Variants in CACNA1B observed in about 807,000 individuals in gnomAD.
CACNA1B encodes voltage-dependent N-type calcium channel subunit alpha-1B.
In CACNA1B, 70 loss-of-function variants were observed where a neutral mutation model predicts 247.2. The observed-to-expected ratio is 0.28, with a 90% confidence interval of 0.23 to 0.35. CACNA1B has a LOEUF of 0.35. Ranked by LOEUF, CACNA1B falls within the 10% of genes least tolerant of loss-of-function variation. The pLI is 1.00. For missense variants in CACNA1B, 2,367 were observed against 3,197.4 expected, an observed-to-expected ratio of 0.74 and a Z score of 6.26; for synonymous variants, 1,231 against 1,294.4, an observed-to-expected ratio of 0.95 and a Z score of 1.05.
At position 138,112,426 on chromosome 9, in the gene CACNA1B, G is replaced by C. The variant is rs201753337; in HGVS notation, c.5457G>C (p.Ala1819=). Reference sequence around the variant, plus strand: ...GGACAAAGCAGCATCAGTGTGACGCGGAGTTGAGGAAGGAGATTTCCGTTG... The same window carrying C: ...GGACAAAGCAGCATCAGTGTGACGCCGAGTTGAGGAAGGAGATTTCCGTTG... ...PAGTKQHQCD[A]ELRKEISVVW... The change falls in exon 40 of 47, where the codon GCG becomes GCC. Residue 1819 remains alanine (A), a synonymous_variant. Coordinates refer to ENST00000371372, the MANE Select transcript of CACNA1B (RefSeq NM_000718.4). The C allele has an allele frequency of 5.9e-5, 95 of 1,613,494 alleles. 2 individuals carry two copies. The South Asian group carries it at 1.0e-3, about 17-fold the overall frequency.
Position 138,121,401 on chromosome 9 carries a change from CTG to C in CACNA1B, c.6490-66_6490-65del. 1 of 1,268,404 alleles carries C rather than the reference CTG, an allele frequency of 7.9e-7. No homozygotes were observed. The highest frequency in any genetic ancestry group is 1.1e-6 in the Non-Finnish European group (1 of 931,370). The allele number at this position is 1,268,404 out of a possible 1,614,324, so 78.6% of individuals were successfully genotyped here. On this transcript the variant is annotated intron_variant, in intron 46 of 46. Coordinates refer to ENST00000371372, the MANE Select transcript of CACNA1B (RefSeq NM_000718.4). The surrounding 1 kb of genome is among the most constrained non-coding windows in gnomAD (Gnocchi z 6.8). ...CCCAGGCACCTGTGTGTGATGTGCT[CTG>C]TCTGTTGGTTCGGCTTTTTTTTTTT...
At chr9:138,000,215 C>A (rs1474216389) in intron 15 of CACNA1B, among the ~76,000 whole-genome samples, 1 of 151,756 alleles carries the variant, frequency 6.6e-6, no homozygotes, top group Non-Finnish European at 1.5e-5. Context: ...TCTCCTGCCT[C>A]AGCCTCCCGA....
chr9:137,926,779 C>A (rs1957555815), intron 6 of CACNA1B, among the ~76,000 whole-genome samples: 1 of 152,146 alleles, frequency 6.6e-6, no homozygotes. Context: ...ATTTGCATTT[C>A]TTTAATGATT....
Position 137,914,782 on chromosome 9 carries a change from A to G in CACNA1B, c.751A>G (p.Lys251Glu). 6.2e-7 allele frequency: 1 copy of G among 1,613,932 alleles called. No homozygotes were observed. Among genetic ancestry groups the G allele is most frequent in the Non-Finnish European group, 8.5e-7 (1 of 1,179,876 alleles). ...GGAGTTCTACATGGGCAAGTTCCACAAGGCCTGTTTCCCCAACAGCACAGG... is the reference window on the plus strand; with the variant it reads ...GGAGTTCTACATGGGCAAGTTCCACGAGGCCTGTTTCCCCAACAGCACAGG... Reference protein sequence around the residue: ...GLEFYMGKFHKACFPNSTDAE... With the variant: ...GLEFYMGKFHEACFPNSTDAE... The change falls in exon 5 of 47, where the codon AAG becomes GAG. Residue 251 changes from lysine to glutamate, a missense_variant. By Grantham distance (56) the Lys-to-Glu change is moderately conservative (BLOSUM62 1). Around this residue, in one of 12 missense-constraint regions of CACNA1B, gnomAD observed 130 missense variants for 338.7 expected, o/e 0.38. Transcript: ENST00000371372. This position sits in a 1 kb window ranked among gnomAD's most constrained non-coding sequence, Gnocchi z 4.3.
chr9:138,000,279 T>G (rs1416690739), intron 15 of CACNA1B, among the ~76,000 whole-genome samples: 1 of 152,076 alleles, frequency 6.6e-6, no homozygotes, highest in Non-Finnish European at 1.5e-5. Context: ...TTTGTATTTT[T>G]AGTAGAGACA....
chr9:137,972,500 A>C (rs1958165767), intron 11 of CACNA1B, among the ~76,000 whole-genome samples: 3 of 151,918 alleles, frequency 2.0e-5, no homozygotes, highest in Admixed American at 2.0e-4. Context: ...GAGCTATCCC[A>C]GCTCCCAGTT....
In CACNA1B at chr9:138,058,059, C is replaced by T. The variant is rs1959579999; in HGVS notation, c.4117C>T (p.His1373Tyr). 1 of 1,613,738 alleles carries T rather than the reference C, an allele frequency of 6.2e-7. No homozygotes were observed. Among genetic ancestry groups the T allele is most frequent in the Non-Finnish European group, 8.5e-7 (1 of 1,179,590 alleles). The change falls in exon 28 of 47, where the codon CAC becomes TAC. Residue 1373 changes from histidine (H) to tyrosine (Y), a missense_variant. By Grantham distance (83) the His-to-Tyr change is moderately conservative (BLOSUM62 2). Transcript: ENST00000371372. This position sits in a 1 kb window ranked among gnomAD's most constrained non-coding sequence, Gnocchi z 4.7. Reference sequence around the variant, plus strand: ...CTCCTCTTTGCCCAGGGTGCTGAAACACTCCGTGGATGCCACCTATGAGGA... The same window carrying T: ...CTCCTCTTTGCCCAGGGTGCTGAAATACTCCGTGGATGCCACCTATGAGGA... Reference protein sequence around the residue: ...TGEGWPMVLKHSVDATYEEQG... With the variant: ...TGEGWPMVLKYSVDATYEEQG...
chr9:137,900,064 A>C (rs922042865), intron 3 of CACNA1B, among the ~76,000 whole-genome samples: 7 of 152,120 alleles, frequency 4.6e-5, no homozygotes, highest in African/African-American at 1.7e-4. Context: ...TGGCATTTTC[A>C]GAACTGGGGG....
At chr9:137,879,205 G>A (rs1477697168) in intron 2 of CACNA1B, 46 bp downstream of exon 2, 2 of 1,238,166 alleles carry the variant, frequency 1.6e-6, no homozygotes, top group Non-Finnish European at 2.3e-6. Flanking sequence ...GGGAGGCCGC[G>A]ACTCCACTTT....
At chr9:137,929,122 A>T (rs1232153706) in intron 6 of CACNA1B, among the ~76,000 whole-genome samples, 1 of 152,218 alleles carries the variant, frequency 6.6e-6, no homozygotes, top group Non-Finnish European at 1.5e-5. Context: ...TTACTGGATC[A>T]TAGAACTCTG....
intron 6 of CACNA1B, among the ~76,000 whole-genome samples, chr9:137,942,029 G>T (rs183540877): frequency 1.3e-5 from 2 of 152,138 alleles, no homozygotes; most frequent in African/African-American, 4.8e-5. Flanking sequence ...GAAACAGTCG[G>T]CAGAGTAAAC....
Position 138,047,655 on chromosome 9 carries a change from T to A in CACNA1B, c.3603+197T>A, listed in dbSNP as rs2290581. On this transcript the variant is annotated intron_variant, in intron 23 of 46. Coordinates refer to ENST00000371372, the MANE Select transcript of CACNA1B (RefSeq NM_000718.4). The stretch of plus-strand genomic sequence containing the variant: ...CTTTGTCGTTCACTGAGAAAATTAC[T>A]TCCCGCGCTGGGAGTGCTCCCCAGT... 0.15 allele frequency among the ~76,000 whole-genome samples: 23,521 copies of A among 152,234 alleles called. 5,150 individuals carry two copies. Among genetic ancestry groups the A allele is most frequent in the African/African-American group, 0.49 (20,146 of 41,482 alleles).
At position 138,059,818 on chromosome 9, in the gene CACNA1B, C is replaced by A; in HGVS notation, c.4668+81C>A. On this transcript the variant is annotated intron_variant, in intron 31 of 46. Transcript: ENST00000371372. The surrounding 1 kb of genome is among the most constrained non-coding windows in gnomAD (Gnocchi z 4.2). Reference sequence around the variant, plus strand: ...CTGCTCCCCTCAGTGCATCTCCAGGCCCTGTGTTAGCCTCTTCCTGGGTTC... The same window carrying A: ...CTGCTCCCCTCAGTGCATCTCCAGGACCTGTGTTAGCCTCTTCCTGGGTTC... The A allele has an allele frequency of 1.2e-6, 1 of 821,036 alleles. No individual in the cohort carries two copies. The allele number at this position is 821,036 out of a possible 1,614,324, so 50.9% of individuals were successfully genotyped here. A position where few individuals can be genotyped will look rare whatever the true frequency, so the allele number is the denominator to read the frequency against.
chr9:138,027,535 C>T (rs1958936380), intron 20 of CACNA1B, among the ~76,000 whole-genome samples: 1 of 152,010 alleles, frequency 6.6e-6, no homozygotes, highest in South Asian at 2.1e-4. Context: ...CTTGTTTCCG[C>T]CTACATTAAA....
At position 138,046,929 on chromosome 9, in the gene CACNA1B, G is replaced by A. The variant is rs201232658; in HGVS notation, c.3439G>A (p.Val1147Met). The change falls in exon 22 of 47, where the codon GTG becomes ATG. Residue 1147 changes from valine (V) to methionine (M), a missense_variant. This residue lies in a region of CACNA1B where 631 missense variants were observed against 631.1 expected (regional missense o/e 1.00). Transcript: ENST00000371372. ...NLLRRFCHYI[V>M]TMRYFEVVIL... ...GCTCCGCCGCTTCTGCCACTACATC[G>A]TGACCATGAGGTACTTCGAGGTGGT... 18 of 1,613,420 alleles carry A rather than the reference G, an allele frequency of 1.1e-5. No homozygotes were observed. Among genetic ancestry groups the A allele is most frequent in the Non-Finnish European group, 1.1e-5 (13 of 1,179,518 alleles).
Position 138,023,583 on chromosome 9 carries a change from G to A in CACNA1B, c.2840G>A (p.Cys947Tyr). The change falls in exon 19 of 47, where the codon TGC (cysteine) becomes TAC (tyrosine). Residue 947 changes from cysteine to tyrosine, a missense_variant. Cys to Tyr is a radical substitution (Grantham distance 194). Transcript: ENST00000371372. ...CGGCACCAGGATCCGAGCAAGGAGT[G>A]CGCCGGCGCCAAGGGCGAGCGGCGC... ...AHRHQDPSKECAGAKGERRAR... is the reference protein window; with the variant it reads ...AHRHQDPSKEYAGAKGERRAR... 2 of 1,078,114 alleles carry A rather than the reference G, an allele frequency of 1.9e-6. No homozygotes were observed. The highest frequency in any genetic ancestry group is 3.6e-5 in the South Asian group (1 of 27,634). The allele number at this position is 1,078,114 out of a possible 1,614,324, so 66.8% of individuals were successfully genotyped here. A position where few individuals can be genotyped will look rare whatever the true frequency, so the allele number is the denominator to read the frequency against.
At chr9:137,884,774 G>A (rs1956980640) in intron 3 of CACNA1B, among the ~76,000 whole-genome samples, 1 of 152,030 alleles carries the variant, frequency 6.6e-6, no homozygotes, top group Non-Finnish European at 1.5e-5. Context: ...GCCCTTGAGG[G>A]CCAGGAGAGG....
chr9:137,910,259 G>A (rs1430206068), intron 3 of CACNA1B, among the ~76,000 whole-genome samples: 8 of 152,106 alleles, frequency 5.3e-5, no homozygotes, highest in Admixed American at 3.3e-4. Context: ...TTGTTGAGTT[G>A]TAAGAGTATT....
In CACNA1B at chr9:138,059,591, A is replaced by G. The variant is rs558542881; in HGVS notation, c.4585-63A>G. 2 of 956,312 alleles carry G rather than the reference A, an allele frequency of 2.1e-6. No homozygotes were observed. Among genetic ancestry groups the G allele is most frequent in the East Asian group, 2.4e-5 (1 of 41,910 alleles). 59.2% of individuals were successfully genotyped at this position (956,312 alleles called of 1,614,324 possible). ...TCTTAATCAGGGCCACCACCTATAT[A>G]TACCTCTTTGCCAACAGAGCCCTCA... On this transcript the variant is annotated intron_variant, in intron 30 of 46. Coordinates refer to ENST00000371372, the MANE Select transcript of CACNA1B (RefSeq NM_000718.4). This position sits in a 1 kb window ranked among gnomAD's most constrained non-coding sequence, Gnocchi z 4.2.
Sources: allele counts gnomAD v4.1 joint callset (sites outside exome capture counted in the v4.1 genomes callset), GRCh38; gene constraint gnomAD v4.1.1; regional missense constraint gnomAD v4.1.1; non-coding constraint Gnocchi (gnomAD v3.1); transcripts MANE v1.5; gene names NCBI Gene and HGNC (gene_info 2026-07-23, HGNC 2026-07-21).